Variants in SQOR observed in about 807,000 individuals in gnomAD.
SQOR encodes the protein sulfide quinone oxidoreductase, also known as sulfide:quinone oxidoreductase, mitochondrial.
In SQOR, 39 loss-of-function variants were observed where a neutral mutation model predicts 48.6. That is an observed-to-expected ratio of 0.80 (90% CI 0.62 to 1.05). The LOEUF (loss-of-function observed/expected upper bound fraction) is 1.05, where lower values mean the gene tolerates loss of function less well. SQOR is among the 50% of genes least tolerant of loss of function. The probability of loss-of-function intolerance (pLI) is 0.00; values close to 1 mark genes in which losing one functional copy is unlikely to be tolerated. For synonymous variants in SQOR, 220 were observed against 206.2 expected (o/e 1.07, Z -0.57); for missense variants, 561 against 559.9 (o/e 1.00, Z -0.02).
At chr15:45,642,706 GC>G (rs1286336442) in intron 1 of SQOR, among the ~76,000 whole-genome samples, 2 of 152,100 alleles carry the variant, frequency 1.3e-5, no homozygotes, top group African/African-American at 4.8e-5. Flanking sequence ...TCCAAAAGTA[GC>G]CCGAACAGGT....
At chr15:45,651,829 G>A (rs1156628457) in intron 1 of SQOR, among the ~76,000 whole-genome samples, 2 of 151,806 alleles carry the variant, frequency 1.3e-5, no homozygotes, top group East Asian at 1.9e-4. Context: ...GCATTCTCCT[G>A]TATCATTGGT....
chr15:45,634,225 T>TA (rs1566912034), upstream of SQOR, among the ~76,000 whole-genome samples: 41 of 125,862 alleles, frequency 3.3e-4, no homozygotes, highest in Middle Eastern at 4.0e-3. Flanking sequence ...TATATATATA[T>TA]TCAAAATTCA....
In SQOR at chr15:45,676,182, C is replaced by T. The variant is rs771281868; in HGVS notation, c.736C>T (p.Leu246=). The change falls in exon 6 of 10, where the codon CTG becomes TTG. Residue 246 remains leucine (L), a synonymous_variant. Transcript: ENST00000260324. ...CGGGGTTAAGAAGTATGCAGATGCC[C>T]TGCAGGAGATCATCCAGGAGCGGAA... ...IFGVKKYADA[L]QEIIQERNLT... 1.2e-6 allele frequency: 2 copies of T among 1,614,148 alleles called. No homozygotes were observed. The highest frequency in any genetic ancestry group is 1.1e-5 in the South Asian group (1 of 91,084).
chr15:45,684,173 A>G (rs555098901), intron 7 of SQOR, among the ~76,000 whole-genome samples: 11 of 152,252 alleles, frequency 7.2e-5, no homozygotes, highest in Admixed American at 1.3e-4. Flanking sequence ...TTGGCCTCCC[A>G]AAGTGCTAGG....
chr15:45,685,522 A>C (rs1890207483), intron 7 of SQOR, among the ~76,000 whole-genome samples: 1 of 152,206 alleles, frequency 6.6e-6, no homozygotes, highest in African/African-American at 2.4e-5. Context: ...AGTTAACTGA[A>C]GGCATGGGCA....
chr15:45,689,791 T>A (rs1474870693), intron 9 of SQOR, among the ~76,000 whole-genome samples: 1 of 152,138 alleles, frequency 6.6e-6, no homozygotes, highest in African/African-American at 2.4e-5. Flanking sequence ...GAGTCAGACC[T>A]GCATTTGAGT....
chr15:45,648,739 G>T (rs1352141991), intron 1 of SQOR, among the ~76,000 whole-genome samples: 1 of 152,208 alleles, frequency 6.6e-6, no homozygotes, highest in Non-Finnish European at 1.5e-5. Context: ...CAGAGATCCA[G>T]ACCAACAGCT....
At chr15:45,643,557 C>T (rs1816804) in intron 1 of SQOR, among the ~76,000 whole-genome samples, 40,067 of 152,098 alleles carry the variant, frequency 0.26, 6,633 homozygotes, top group East Asian at 0.64. Context: ...GTCTATTTCA[C>T]AAAGATACAC....
intron 1 of SQOR, among the ~76,000 whole-genome samples, chr15:45,657,018 G>A (rs966518235): frequency 7.9e-5 from 12 of 151,776 alleles, no homozygotes; most frequent in Non-Finnish European, 1.8e-4. Context: ...ATGTTGGCCA[G>A]GGTGGTCTTG....
chr15:45,634,050 C>G (rs1188693458), upstream of SQOR, among the ~76,000 whole-genome samples: 1 of 150,898 alleles, frequency 6.6e-6, no homozygotes, highest in African/African-American at 2.4e-5. Context: ...GTGGCACACA[C>G]CTGTAGTCCC....
intron 3 of SQOR, among the ~76,000 whole-genome samples, chr15:45,667,954 T>C: frequency 6.8e-6 from 1 of 146,028 alleles, no homozygotes; most frequent in Admixed American, 6.8e-5. Flanking sequence ...TTTTTTTTTT[T>C]TTTTTTTTGA....
chr15:45,656,204 T>C (rs1414696855), intron 1 of SQOR, among the ~76,000 whole-genome samples: 1 of 152,174 alleles, frequency 6.6e-6, no homozygotes, highest in Non-Finnish European at 1.5e-5. Flanking sequence ...ATCTGTTAAA[T>C]GGGAATGATG....
At chr15:45,659,948 T>C (rs1889690662) in intron 2 of SQOR, among the ~76,000 whole-genome samples, 1 of 152,070 alleles carries the variant, frequency 6.6e-6, no homozygotes, top group African/African-American at 2.4e-5. Context: ...GGAGAAGGGA[T>C]GATGAGTTGG....
intron 6 of SQOR, among the ~76,000 whole-genome samples, chr15:45,676,782 T>G (rs1890044032): frequency 2.6e-5 from 4 of 152,230 alleles, no homozygotes; most frequent in African/African-American, 9.6e-5. Flanking sequence ...GGCTCACGCC[T>G]GTAATCCCAG....
chr15:45,662,607 C>T (rs911930078), intron 3 of SQOR, among the ~76,000 whole-genome samples: 2 of 152,198 alleles, frequency 1.3e-5, no homozygotes, highest in African/African-American at 2.4e-5. Flanking sequence ...TTCATGCCAG[C>T]GCTAAGGAGA....
chr15:45,680,463 G>A (rs1195607193), intron 6 of SQOR, among the ~76,000 whole-genome samples: 1 of 151,838 alleles, frequency 6.6e-6, no homozygotes, highest in Non-Finnish European at 1.5e-5. Context: ...CCAGGCTGGA[G>A]TGCAGTGGTG....
Position 45,688,371 on chromosome 15 carries a change from T to C in SQOR, c.1083T>C (p.Ser361=). 2 of 1,607,942 alleles carry C rather than the reference T, an allele frequency of 1.2e-6. No homozygotes were observed. Among genetic ancestry groups the C allele is most frequent in the Non-Finnish European group, 1.7e-6 (2 of 1,178,378 alleles). The change falls in exon 8 of 10, where the codon TCT becomes TCC. Residue 361 remains serine (S), a synonymous_variant. Transcript: ENST00000260324. ...AQSGILDRTI[S]VIMKNQTPTK... is the part of the protein sequence containing the mutation. Reference sequence around the variant, plus strand: ...CAGGAATACTTGATAGGACAATTTCTGTAATTATGAAGAATCAAACACCAA... The same window carrying C: ...CAGGAATACTTGATAGGACAATTTCCGTAATTATGAAGAATCAAACACCAA...
At chr15:45,682,894 G>C (rs906020260) in intron 7 of SQOR, among the ~76,000 whole-genome samples, 42 of 152,016 alleles carry the variant, frequency 2.8e-4, no homozygotes, top group African/African-American at 9.9e-4. Flanking sequence ...CAGGCGTGTG[G>C]TGGGCGCCTG....
chr15:45,647,554 TG>T (rs1889365562), intron 1 of SQOR, among the ~76,000 whole-genome samples: 2 of 151,888 alleles, frequency 1.3e-5, no homozygotes, highest in Non-Finnish European at 2.9e-5. Flanking sequence ...CTCGAACTCC[TG>T]AGCTCAAGCA....
Sources: gnomAD v4.1 joint callset for allele counts (sites outside exome capture counted in the v4.1 genomes callset) on GRCh38, gnomAD v4.1.1 for gene constraint, MANE v1.5 for transcripts, NCBI Gene and HGNC (gene_info 2026-07-23, HGNC 2026-07-21) for gene names.